The following EPS8L2 variants were observed in gnomAD, a reference collection of about 807,000 sequenced individuals.
The protein encoded by EPS8L2 is EPS8 signaling adaptor L2.
EPS8L2 carries 81 observed loss-of-function variants against 99.4 expected under a neutral mutation model. The observed-to-expected ratio is 0.82, with a 90% confidence interval of 0.68 to 0.98. The LOEUF (loss-of-function observed/expected upper bound fraction) is 0.98, where lower values mean the gene tolerates loss of function less well. Ranked by LOEUF, EPS8L2 falls within the 50% of genes least tolerant of loss-of-function variation. The pLI is 0.00. For synonymous variants in EPS8L2, 509 were observed against 407.3 expected (o/e 1.25, Z -3.01); for missense variants, 1,155 against 968.8 (o/e 1.19, Z -2.55).
intron 13 of EPS8L2, 23 bp from the exon 14 acceptor site, chr11:722,650 G>A: frequency 6.2e-7 from 1 of 1,607,328 alleles, no homozygotes; most frequent in South Asian, 1.1e-5. Flanking sequence ...AGGCAGGGCT[G>A]ACTTCAGGAC....
At chr11:718,810 AGGC>A (rs1156386010) in intron 4 of EPS8L2, among the ~76,000 whole-genome samples, 2 of 151,286 alleles carry the variant, frequency 1.3e-5, no homozygotes, top group African/African-American at 2.4e-5. Context: ...CTGGGACTAT[AGGC>A]GCCTGCCACC....
Position 726,758 on chromosome 11 carries a change from C to G in EPS8L2, c.2067+7C>G. 3 of 1,587,000 alleles carry G rather than the reference C, an allele frequency of 1.9e-6. No individual in the cohort carries two copies. The highest frequency in any genetic ancestry group is 2.6e-6 in the Non-Finnish European group (3 of 1,168,578). ...GCAGAAGGCCTTCCTGGAGGTGAGC[C>G]CGCCTGCGCTCCGGCGCCACGCCCC... On this transcript the variant is annotated splice_region_variant and intron_variant, in intron 20 of 20. Transcript: ENST00000318562.
At chr11:713,260 G>A (rs1015430027) in intron 4 of EPS8L2, among the ~76,000 whole-genome samples, 4 of 152,214 alleles carry the variant, frequency 2.6e-5, no homozygotes, top group African/African-American at 4.8e-5. Flanking sequence ...GTACGTGGGG[G>A]TGTGGTTCTG....
chr11:722,141 C>T lies in EPS8L2; in HGVS notation c.1035C>T (p.His345=), dbSNP rs754634551. Residue 345 remains histidine (H), a synonymous_variant, in exon 12 of 21, where the codon CAC becomes CAT. Transcript: ENST00000318562. ...ACCCCAGCGCCGCGGAGCTCGTGCA[C>T]TTCCTCTTCGGGCCTCTGGACCTGG... is the stretch of plus-strand genomic sequence containing the variant. The part of the protein sequence containing the change: ...IQNPSAAELV[H]FLFGPLDLIV... The T allele has an allele frequency of 1.9e-6, 3 of 1,612,766 alleles. No individual in the cohort carries two copies. In the Admixed American group the frequency reaches 5.0e-5, roughly 27 times the overall value.
At chr11:715,317 C>T (rs1290368241) in intron 4 of EPS8L2, among the ~76,000 whole-genome samples, 1 of 151,910 alleles carries the variant, frequency 6.6e-6, no homozygotes, top group Non-Finnish European at 1.5e-5. Context: ...CCAGTGCTGC[C>T]CTCGGAGCAC....
At chr11:709,290 G>C (rs1483724473) in intron 1 of EPS8L2, 40 bp from the exon 2 acceptor site, 1 of 1,260,248 alleles carries the variant, frequency 7.9e-7, no homozygotes, top group Non-Finnish European at 1.1e-6. Context: ...GAACCAGCCA[G>C]GCCGGAGGAA....
chr11:726,706 C>A lies in EPS8L2; in HGVS notation c.2022C>A (p.Gly674=), dbSNP rs1442935085. The part of the protein sequence containing the change: ...EELKKVCGEE[G]VRVYSQLTMQ... ...TGAAGAAAGTGTGCGGCGAGGAGGG[C>A]GTCCGCGTGTACAGCCAGCTCACCA... Residue 674 remains glycine (G), a synonymous_variant, in exon 20 of 21, where the codon GGC becomes GGA. Transcript: ENST00000318562. 3 of 1,590,824 alleles carry A rather than the reference C, an allele frequency of 1.9e-6. No individual in the cohort carries two copies. The highest frequency in any genetic ancestry group is 1.8e-5 in the Admixed American group (1 of 55,998).
rs558419284 is a variant in EPS8L2 at position 713,826 on chromosome 11, G to A, written c.165+3340G>A. Among the ~76,000 whole-genome samples, 9 of 152,232 alleles carry A rather than the reference G, an allele frequency of 5.9e-5. No homozygotes were observed. In the East Asian group the frequency reaches 1.2e-3, roughly 20 times the overall value. ...CTCCCAAAGTGGTGGGATTACAGGC[G>A]TGAGCCACCGTGCCTGGCCTAATTT... On this transcript the variant is annotated intron_variant, in intron 4 of 20. Coordinates refer to ENST00000318562, the MANE Select transcript of EPS8L2 (RefSeq NM_022772.4).
intron 1 of EPS8L2, chr11:708,986 C>T (rs1337266374): frequency 7.3e-6 from 1 of 136,300 alleles, no homozygotes; most frequent in Non-Finnish European, 1.6e-5. Context: ...ATCCCCCTCC[C>T]CTTACCCATC....
In EPS8L2 at chr11:726,501, G is replaced by T. The variant is rs1299754703; in HGVS notation, c.1934+17G>T. 7 of 1,536,798 alleles carry T rather than the reference G, an allele frequency of 4.6e-6. No homozygotes were observed. The highest frequency in any genetic ancestry group is 5.3e-6 in the Non-Finnish European group (6 of 1,140,548). On this transcript the variant is annotated intron_variant, in intron 19 of 20. Transcript: ENST00000318562. ...CAGCCCGCGGTGAGCGGGGGCGGGG[G>T]ATGAGCTGGGGCCCGGGCGAGGGGT...
At chr11:720,292 C>T (rs1468710424) in intron 5 of EPS8L2, 69 bp downstream of exon 5, 30 of 1,535,716 alleles carry the variant, frequency 2.0e-5, no homozygotes, top group Non-Finnish European at 2.5e-5. Flanking sequence ...CGGCTGCAGC[C>T]CGGATGTGCG....
At chr11:726,014 G>C (rs1051091026) in intron 17 of EPS8L2, 84 bp from the exon 18 acceptor site, 9 of 1,105,512 alleles carry the variant, frequency 8.1e-6, no homozygotes, top group Non-Finnish European at 1.0e-5. Context: ...GCTGTAGGGG[G>C]ATTGGCGGGG....
rs201086107 is a variant in EPS8L2, at chr11:720,552, GC to G, written c.328-42del. On this transcript the variant is annotated intron_variant, in intron 5 of 20. Transcript: ENST00000318562. Reference sequence around the variant, plus strand: ...AGCTCCGGCCACTCCCTGCCAGAGTGCCCAGACCCCGGGTGCGAGTCGTGTC... The same window carrying G: ...AGCTCCGGCCACTCCCTGCCAGAGTGCCAGACCCCGGGTGCGAGTCGTGTC... 0.011 allele frequency: 17,780 copies of G among 1,572,262 alleles called. 128 individuals are homozygous for G. Among genetic ancestry groups the G allele is most frequent in the Middle Eastern group, 0.016 (95 of 5,768 alleles).
chr11:721,489 C>T (rs1475811869), intron 9 of EPS8L2, 76 bp from the exon 10 acceptor site: 1 of 1,510,246 alleles, frequency 6.6e-7, no homozygotes, highest in Non-Finnish European at 8.8e-7. Context: ...CTCCCATCAT[C>T]TGTGGGGCTG....
chr11:711,131 G>C (rs1294883823), intron 4 of EPS8L2, among the ~76,000 whole-genome samples: 1 of 152,158 alleles, frequency 6.6e-6, no homozygotes, highest in Non-Finnish European at 1.5e-5. Flanking sequence ...GGCTCAGACG[G>C]GGCTGCCTGC....
chr11:710,938 G>C (rs555168250), intron 4 of EPS8L2, among the ~76,000 whole-genome samples: 2 of 152,322 alleles, frequency 1.3e-5, no homozygotes, highest in South Asian at 2.1e-4. Flanking sequence ...CTCGCGGCCT[G>C]GGGGGTGAGG....
chr11:713,932 T>C (rs1861950809), intron 4 of EPS8L2, among the ~76,000 whole-genome samples: 2 of 152,186 alleles, frequency 1.3e-5, no homozygotes, highest in South Asian at 4.1e-4. Flanking sequence ...TCCACCTGTT[T>C]TCACTATGTT....
At position 722,549 on chromosome 11, in the gene EPS8L2, G is replaced by A. The variant is rs781407969; in HGVS notation, c.1208G>A (p.Arg403His). 16 of 1,612,630 alleles carry A rather than the reference G, an allele frequency of 9.9e-6. No individual in the cohort carries two copies. The highest frequency in any genetic ancestry group is 5.0e-5 in the Admixed American group (3 of 59,972). ...ESLGESWMRPRSEWPREPQVP... is the reference protein window; with the variant it reads ...ESLGESWMRPHSEWPREPQVP... ...CTGGGAGAGAGCTGGATGCGGCCCCGGTAGGGCAGGGCAGAGCAGTGCCGG... is the reference window on the plus strand; with the variant it reads ...CTGGGAGAGAGCTGGATGCGGCCCCAGTAGGGCAGGGCAGAGCAGTGCCGG... The change falls in exon 13 of 21, where the codon CGT becomes CAT. Residue 403 changes from arginine to histidine, a missense_variant and splice_region_variant. Transcript: ENST00000318562.
chr11:716,148 TG>T, intron 4 of EPS8L2, among the ~76,000 whole-genome samples: 1 of 147,956 alleles, frequency 6.8e-6, no homozygotes, highest in South Asian at 2.1e-4. Context: ...AATTTTTGTG[TG>T]GGGTTTTTTT....
Sources: gnomAD v4.1 joint callset for allele counts (sites outside exome capture counted in the v4.1 genomes callset) on GRCh38, gnomAD v4.1.1 for gene constraint, MANE v1.5 for transcripts, NCBI Gene and HGNC (gene_info 2026-07-23, HGNC 2026-07-21) for gene names.